Variants in XKR6 observed in about 807,000 individuals in gnomAD.
XKR6 encodes the protein XK-related protein 6.
In XKR6, 22 loss-of-function variants were observed where a neutral mutation model predicts 56.7. The observed-to-expected ratio is 0.39, with a 90% CI of 0.28 to 0.55. XKR6 has a LOEUF of 0.55. Ranked by LOEUF, XKR6 falls within the 20% of genes least tolerant of loss-of-function variation. XKR6 has a pLI of 0.66. For synonymous variants in XKR6, 524 were observed against 387.8 expected, an observed-to-expected ratio of 1.35 and a Z score of -4.13; for missense variants, 852 against 889.0, an observed-to-expected ratio of 0.96 and a Z score of 0.53.
chr8:11,085,420 G>A lies in XKR6; in HGVS notation c.764+115156C>T, dbSNP rs919200901. 4.6e-5 allele frequency among the ~76,000 whole-genome samples: 7 copies of A among 152,194 alleles called. No individual in the cohort carries two copies. In the South Asian group the frequency reaches 1.2e-3, roughly 27 times the overall value. On this transcript the variant is annotated intron_variant, in intron 1 of 2. Coordinates refer to ENST00000416569, the MANE Select transcript of XKR6 (RefSeq NM_173683.4). ...AGCCCACGGAGAGTGCCAAGTGTAT[G>A]CTTGTCAGAGGTGAAAGAGGTGTGT... is the stretch of plus-strand genomic sequence containing the variant.
chr8:11,138,689 C>T (rs1287089204), intron 1 of XKR6: 4 of 151,988 alleles, frequency 2.6e-5, no homozygotes, highest in African/African-American at 9.7e-5. Flanking sequence ...ACATCAAAAC[C>T]CAAATATTCT....
chr8:10,961,527 C>T (rs954130088), intron 1 of XKR6, among the ~76,000 whole-genome samples: 1 of 152,200 alleles, frequency 6.6e-6, no homozygotes, highest in African/African-American at 2.4e-5. Flanking sequence ...AACACACAGT[C>T]CACACTTGAT....
chr8:11,010,006 T>G (rs987024046), intron 1 of XKR6, among the ~76,000 whole-genome samples: 2 of 152,208 alleles, frequency 1.3e-5, no homozygotes, highest in East Asian at 3.8e-4. Flanking sequence ...AAGAACTACC[T>G]GAGAATGGGT....
chr8:10,974,271 T>TA (rs1802489886), intron 1 of XKR6, among the ~76,000 whole-genome samples: 1 of 152,274 alleles, frequency 6.6e-6, no homozygotes, highest in South Asian at 2.1e-4. Context: ...AGCCGGGAAT[T>TA]AGAGTAAAAT....
At chr8:11,045,150 G>C (rs768969472) in intron 1 of XKR6, among the ~76,000 whole-genome samples, 1 of 120,926 alleles carries the variant, frequency 8.3e-6, no homozygotes, top group South Asian at 2.8e-4. Context: ...GCAGTGGCAC[G>C]ATCTCAGCTC....
chr8:11,132,533 TGTATTTTTA>T lies in XKR6; in HGVS notation c.764+68034_764+68042del, dbSNP rs1002385049. Among the ~76,000 whole-genome samples the T allele has an allele frequency of 1.4e-4, 22 of 151,990 alleles. 1 individual carries two copies. The highest frequency in any genetic ancestry group is 5.2e-4 in the Admixed American group (8 of 15,270). Reference sequence around the variant, plus strand: ...CCCACCACCACGCCAGGCTAATTTTTGTATTTTTAGTAGAGACGGGGTTTCACTATGTTG... The same window carrying T: ...CCCACCACCACGCCAGGCTAATTTTTGTAGAGACGGGGTTTCACTATGTTG... On this transcript the variant is annotated intron_variant, in intron 1 of 2. Coordinates refer to ENST00000416569, the MANE Select transcript of XKR6 (RefSeq NM_173683.4).
At chr8:11,067,188 G>C (rs28727448) in intron 1 of XKR6, 54,078 of 152,274 alleles carry the variant, frequency 0.36, 11,220 homozygotes, top group African/African-American at 0.59. Flanking sequence ...GAGTCATTCT[G>C]ACTGAGGAGG....
In XKR6 at chr8:11,173,350, A is replaced by AAT. The variant is rs58235734; in HGVS notation, c.764+27224_764+27225dup. Among the ~76,000 whole-genome samples the AAT allele has an allele frequency of 6.3e-3, 907 of 142,850 alleles. 2 individuals carry two copies. Among genetic ancestry groups the AAT allele is most frequent in the Non-Finnish European group, 0.011 (701 of 66,256 alleles). 93.7% of individuals were successfully genotyped at this position (142,850 alleles called of 152,430 possible). ...CAAAGCGAGACTCCGCCTTAAAAAA[A>AAT]ATATATATATATATATACACACACA... On this transcript the variant is annotated intron_variant, in intron 1 of 2. Coordinates refer to ENST00000416569, the MANE Select transcript of XKR6 (RefSeq NM_173683.4).
chr8:11,164,787 G>A (rs1403769478), intron 1 of XKR6, among the ~76,000 whole-genome samples: 1 of 152,140 alleles, frequency 6.6e-6, no homozygotes, highest in East Asian at 1.9e-4. Flanking sequence ...TTTGTCACAT[G>A]TAAAATATTC....
chr8:10,945,580 A>G (rs1164184794), intron 1 of XKR6, among the ~76,000 whole-genome samples: 1 of 152,244 alleles, frequency 6.6e-6, no homozygotes, highest in Non-Finnish European at 1.5e-5. Flanking sequence ...CTAAGCTCCC[A>G]GAAGGACAGA....
At chr8:11,088,091 G>T (rs1049697827) in intron 1 of XKR6, among the ~76,000 whole-genome samples, 2 of 152,172 alleles carry the variant, frequency 1.3e-5, no homozygotes, top group African/African-American at 4.8e-5. Context: ...AATTCAGATG[G>T]CTGTTTGAAA....
intron 1 of XKR6, among the ~76,000 whole-genome samples, chr8:11,194,244 A>G (rs1420536611): frequency 6.6e-6 from 1 of 152,186 alleles, no homozygotes; most frequent in African/African-American, 2.4e-5. Context: ...AGATCAATCC[A>G]TTTAACTGCT....
At chr8:11,083,555 C>T (rs1210587630) in intron 1 of XKR6, among the ~76,000 whole-genome samples, 3 of 152,192 alleles carry the variant, frequency 2.0e-5, no homozygotes, top group Non-Finnish European at 2.9e-5. Context: ...GAATGCAAAA[C>T]TTCACCAGTG....
intron 1 of XKR6, among the ~76,000 whole-genome samples, chr8:11,122,043 A>G (rs2409709): frequency 0.021 from 3,191 of 152,308 alleles, 105 homozygotes; most frequent in African/African-American, 0.073. Flanking sequence ...TCAATATTCA[A>G]TAGCACACAG....
chr8:11,041,847 GAAGTTTT>G (rs1799294744), intron 1 of XKR6, among the ~76,000 whole-genome samples: 1 of 152,144 alleles, frequency 6.6e-6, no homozygotes, highest in African/African-American at 2.4e-5. Flanking sequence ...TACAGTTCAG[GAAGTTTT>G]CTCTCTGCAC....
chr8:11,148,363 G>A (rs1401212528), intron 1 of XKR6, among the ~76,000 whole-genome samples: 2 of 152,216 alleles, frequency 1.3e-5, no homozygotes, highest in Non-Finnish European at 2.9e-5. Flanking sequence ...CATGTAACAA[G>A]GCAGGTGGAG....
intron 2 of XKR6, among the ~76,000 whole-genome samples, chr8:10,913,125 T>A (rs573311511): frequency 6.6e-5 from 10 of 151,602 alleles, no homozygotes; most frequent in Non-Finnish European, 1.3e-4. Flanking sequence ...AGGGTGTGTA[T>A]GTATGTCATC....
intron 1 of XKR6, among the ~76,000 whole-genome samples, chr8:11,067,972 G>A (rs1350116138): frequency 6.6e-6 from 1 of 152,258 alleles, no homozygotes; most frequent in African/African-American, 2.4e-5. Context: ...TGAATGTGGG[G>A]TGGTTGCTGT....
chr8:11,035,288 G>A (rs1220711357), intron 1 of XKR6: 2 of 534,818 alleles, frequency 3.7e-6, no homozygotes, highest in Non-Finnish European at 7.7e-6. Flanking sequence ...GCCAGCATCA[G>A]CAGCATCATC....
Sources: allele counts gnomAD v4.1 joint callset (sites outside exome capture counted in the v4.1 genomes callset), GRCh38; gene constraint gnomAD v4.1.1; transcripts MANE v1.5; gene names NCBI Gene and HGNC (gene_info 2026-07-23, HGNC 2026-07-21).